Variants in RUVBL2 observed in about 807,000 individuals in gnomAD.
RUVBL2 encodes the protein ruvB-like 2.
Under a neutral mutation model 57.9 loss-of-function variants are expected in RUVBL2, and 9 were observed. The ratio of observed to expected loss-of-function variants is 0.16; its 90% confidence interval spans 0.09 to 0.27. The LOEUF (loss-of-function observed/expected upper bound fraction) is 0.27, where lower values mean the gene tolerates loss of function less well. Among genes scored for constraint, RUVBL2 ranks in the 10% least tolerant of loss-of-function variants. RUVBL2 has a pLI of 1.00. For synonymous variants in RUVBL2, 278 were observed against 264.6 expected (o/e 1.05, Z -0.49); for missense variants, 456 against 669.6 (o/e 0.68, Z 3.52).
chr19:49,002,943 T>A (rs2122601397), intron 2 of RUVBL2, among the ~76,000 whole-genome samples: 1 of 152,342 alleles, frequency 6.6e-6, no homozygotes, highest in Admixed American at 6.5e-5. Context: ...ATGTGGGTGC[T>A]GTGTAAACCA....
intron 3 of RUVBL2, 27 bp downstream of exon 3, chr19:49,003,361 G>A (rs201512385): frequency 2.5e-6 from 4 of 1,611,366 alleles, no homozygotes; most frequent in Non-Finnish European, 2.5e-6. Context: ...TGGGGTGTGA[G>A]GGCCTCTCCA....
intron 12 of RUVBL2, 100 bp downstream of exon 12, chr19:49,014,703 G>A (rs1445464710): frequency 6.7e-7 from 1 of 1,486,034 alleles, no homozygotes; most frequent in Non-Finnish European, 9.1e-7. Context: ...CATGGTGGCT[G>A]GGCCTACAGG....
At chr19:49,009,637 G>A in intron 6 of RUVBL2, 139 bp from the exon 7 acceptor site, 1 of 724,620 alleles carries the variant, frequency 1.4e-6, no homozygotes, top group Non-Finnish European at 2.4e-6. Context: ...CTTCCCTGGA[G>A]AGCTTCCTTG....
chr19:49,007,103 G>A lies in RUVBL2; in HGVS notation c.351G>A (p.Glu117=). The change falls in exon 5 of 15, where the codon GAG becomes GAA. Residue 117 remains glutamate (E), a synonymous_variant. Coordinates refer to ENST00000595090, the MANE Select transcript of RUVBL2 (RefSeq NM_006666.3). ...TCTCCCTGGAGATGAGCAAGACCGA[G>A]GCGCTGACGCAGGCCTTCCGGCGGT... The part of the protein sequence containing the change: ...EIFSLEMSKT[E]ALTQAFRRSI... 2 of 1,613,298 alleles carry A rather than the reference G, an allele frequency of 1.2e-6. No homozygotes were observed. The highest frequency in any genetic ancestry group is 1.7e-6 in the Non-Finnish European group (2 of 1,180,054).
At chr19:49,004,207 C>T in intron 3 of RUVBL2, 70 bp from the exon 4 acceptor site, 1 of 1,556,444 alleles carries the variant, frequency 6.4e-7, no homozygotes, top group Non-Finnish European at 8.7e-7. Flanking sequence ...ATCTCACTAG[C>T]TTCCTGATGT....
intron 4 of RUVBL2, among the ~76,000 whole-genome samples, chr19:49,006,101 C>T (rs1306560503): frequency 6.6e-6 from 1 of 152,254 alleles, no homozygotes; most frequent in Non-Finnish European, 1.5e-5. Flanking sequence ...GAGAGGACCC[C>T]TGGTGTCCCC....
rs372090262 is a variant in RUVBL2, at chr19:49,007,064, C to T, written c.312C>T (p.Ala104=). Reference sequence around the variant, plus strand: ...CTGACACGCCATTCACAGCCATCGCCGGCAGTGAAATCTTCTCCCTGGAGA... The same window carrying T: ...CTGACACGCCATTCACAGCCATCGCTGGCAGTGAAATCTTCTCCCTGGAGA... The part of the protein sequence containing the change: ...LGPDTPFTAI[A]GSEIFSLEMS... The change falls in exon 5 of 15, where the codon GCC becomes GCT. Residue 104 remains alanine, a synonymous_variant. Transcript: ENST00000595090. 4.1e-5 allele frequency: 66 copies of T among 1,613,180 alleles called. No homozygotes were observed. The East Asian group carries it at 8.0e-4, about 20-fold the overall frequency.
intron 1 of RUVBL2, chr19:48,994,302 T>G (rs1010481658): frequency 7.4e-6 from 2 of 269,130 alleles, no homozygotes; most frequent in Non-Finnish European, 1.5e-5. Flanking sequence ...TTGTTAGTGG[T>G]GCCAATGGCA....
chr19:49,008,997 A>G (rs2039342565), intron 6 of RUVBL2, among the ~76,000 whole-genome samples: 1 of 151,014 alleles, frequency 6.6e-6, no homozygotes, highest in Non-Finnish European at 1.5e-5. Flanking sequence ...AATAAATAAT[A>G]AAAACACAAA....
At chr19:49,009,240 G>A (rs149942780) in intron 6 of RUVBL2, among the ~76,000 whole-genome samples, 23 of 138,574 alleles carry the variant, frequency 1.7e-4, no homozygotes, top group South Asian at 7.3e-4. Flanking sequence ...TGTAATCCCA[G>A]CACTTTGGGA....
At chr19:49,012,381 G>C (rs866687063) in intron 11 of RUVBL2, among the ~76,000 whole-genome samples, 8 of 152,290 alleles carry the variant, frequency 5.3e-5, no homozygotes, top group African/African-American at 1.9e-4. Context: ...ACTTGCCCAG[G>C]TCACAAGTCT....
At chr19:49,010,665 C>T (rs1788527133) in intron 9 of RUVBL2, 54 bp downstream of exon 9, 3 of 1,602,350 alleles carry the variant, frequency 1.9e-6, no homozygotes, top group African/African-American at 1.3e-5. Context: ...CTAGCAGCCT[C>T]CCTCGGGCTC....
At chr19:49,001,593 C>T (rs892865537) in intron 2 of RUVBL2, 1 of 150,718 alleles carries the variant, frequency 6.6e-6, no homozygotes, top group Non-Finnish European at 1.5e-5. Flanking sequence ...GCACTGGGGT[C>T]AGCAAATCTT....
At chr19:49,010,423 A>G (rs935157079) in intron 8 of RUVBL2, 65 bp from the exon 9 acceptor site, 3 of 1,530,330 alleles carry the variant, frequency 2.0e-6, no homozygotes, top group Admixed American at 1.7e-5. Context: ...AGAGGGCTTT[A>G]GGGGCCCCCT....
intron 6 of RUVBL2, among the ~76,000 whole-genome samples, chr19:49,007,891 T>C (rs2122623619): frequency 6.6e-6 from 1 of 151,990 alleles, no homozygotes; most frequent in East Asian, 1.9e-4. Context: ...GTACTTTCAG[T>C]AGAGACGGGG....
intron 2 of RUVBL2, among the ~76,000 whole-genome samples, chr19:48,999,919 G>A (rs2122587597): frequency 6.6e-6 from 1 of 152,342 alleles, no homozygotes; most frequent in South Asian, 2.1e-4. Context: ...AGGAAGTTGA[G>A]ACGCAGTGAG....
chr19:49,004,226 T>C, intron 3 of RUVBL2, 51 bp from the exon 4 acceptor site: 1 of 1,595,048 alleles, frequency 6.3e-7, no homozygotes, highest in Non-Finnish European at 8.5e-7. Flanking sequence ...GTGGTAGAAA[T>C]GCCATGGTAG....
intron 6 of RUVBL2, among the ~76,000 whole-genome samples, chr19:49,007,896 A>T (rs528087821): frequency 2.0e-5 from 3 of 151,450 alleles, no homozygotes; most frequent in Non-Finnish European, 4.4e-5. Context: ...TTCAGTAGAG[A>T]CGGGGTTTCA....
chr19:49,010,894 C>T lies in RUVBL2; in HGVS notation c.788-105C>T, dbSNP rs1037568054. 6 of 1,069,058 alleles carry T rather than the reference C, an allele frequency of 5.6e-6. No homozygotes were observed. In the African/African-American group the frequency reaches 7.8e-5, roughly 14 times the overall value. 66.2% of individuals were successfully genotyped at this position (1,069,058 alleles called of 1,614,324 possible). ...GCTCCTCATCCCTCCTTGCTTTGCT[C>T]CCCTTCCTCCATCCCTGGCATCATC... On this transcript the variant is annotated intron_variant, in intron 9 of 14. Coordinates refer to ENST00000595090, the MANE Select transcript of RUVBL2 (RefSeq NM_006666.3).
Sources: allele counts gnomAD v4.1 joint callset (sites outside exome capture counted in the v4.1 genomes callset), GRCh38; gene constraint gnomAD v4.1.1; transcripts MANE v1.5; gene names NCBI Gene and HGNC (gene_info 2026-07-23, HGNC 2026-07-21).